Variants in MAP7 observed in about 807,000 individuals in gnomAD.
The protein encoded by MAP7 is microtubule associated protein 7.
MAP7 carries 52 observed loss-of-function variants against 94.8 expected under a neutral mutation model. The ratio of observed to expected loss-of-function variants is 0.55; its 90% confidence interval spans 0.44 to 0.69. The LOEUF (loss-of-function observed/expected upper bound fraction) is 0.69, where lower values mean the gene tolerates loss of function less well. Ranked by LOEUF, MAP7 falls within the 30% of genes least tolerant of loss-of-function variation. The probability of loss-of-function intolerance (pLI) is 0.00; values close to 1 mark genes in which losing one functional copy is unlikely to be tolerated. For missense variants in MAP7, 940 were observed against 964.6 expected (o/e 0.97, Z 0.34); for synonymous variants, 350 against 357.0 (o/e 0.98, Z 0.22).
chr6:136,478,559 A>G (rs1196370837), intron 1 of MAP7, among the ~76,000 whole-genome samples: 1 of 152,212 alleles, frequency 6.6e-6, no homozygotes, highest in African/African-American at 2.4e-5. Context: ...AACATTAGCC[A>G]GAACAACTAA....
chr6:136,351,824 G>A lies in MAP7; in HGVS notation c.2015+4868C>T, dbSNP rs146374453. On this transcript the variant is annotated intron_variant, in intron 16 of 17. Coordinates refer to ENST00000354570, the MANE Select transcript of MAP7 (RefSeq NM_003980.6). The stretch of plus-strand genomic sequence containing the variant: ...CCTTTGCCACTGCTGGAGAGACACT[G>A]CAGCAGAGTTTTGCTTTCTGGTCGG... Among the ~76,000 whole-genome samples, 861 of 152,282 alleles carry A rather than the reference G, an allele frequency of 5.7e-3. 16 individuals carry two copies. Among genetic ancestry groups the A allele is most frequent in the African/African-American group, 0.019 (800 of 41,536 alleles).
At chr6:136,366,159 G>C (rs1481370960) in intron 9 of MAP7, 141 bp from the exon 10 acceptor site, 8 of 1,062,330 alleles carry the variant, frequency 7.5e-6, no homozygotes, top group Non-Finnish European at 1.1e-5. Flanking sequence ...CAGAAATAGA[G>C]TTGCTTTAGG....
chr6:136,404,042 C>T (rs1216931381), intron 3 of MAP7, among the ~76,000 whole-genome samples: 1 of 152,150 alleles, frequency 6.6e-6, no homozygotes, highest in African/African-American at 2.4e-5. Context: ...TCCCTAAAGC[C>T]TCCTCTGACC....
chr6:136,370,230 C>T (rs1459685208), intron 8 of MAP7, among the ~76,000 whole-genome samples: 2 of 152,306 alleles, frequency 1.3e-5, no homozygotes, highest in African/African-American at 4.8e-5. Flanking sequence ...CATCACCTCA[C>T]ATTCCTTAAG....
At chr6:136,444,225 T>C (rs1798686297) in intron 1 of MAP7, among the ~76,000 whole-genome samples, 1 of 152,176 alleles carries the variant, frequency 6.6e-6, no homozygotes, top group Admixed American at 6.5e-5. Flanking sequence ...ACACCTTGGG[T>C]ATTTACTTAA....
At position 136,503,400 on chromosome 6, in the gene MAP7, GA is replaced by G. The variant is rs965964532; in HGVS notation, c.67+46941del. 2.2e-4 allele frequency among the ~76,000 whole-genome samples: 25 copies of G among 115,548 alleles called. No individual in the cohort carries two copies. In the South Asian group the frequency reaches 3.9e-3, roughly 18 times the overall value. 75.8% of individuals were successfully genotyped at this position (115,548 alleles called of 152,430 possible). A position where few individuals can be genotyped will look rare whatever the true frequency, so the allele number is the denominator to read the frequency against. ...TGTCCAAACAAGGATTTCTGAGGGG[GA>G]AAAAAAAAGGGGGGTGGGGGAAGAA... On this transcript the variant is annotated intron_variant, in intron 1 of 17. Transcript: ENST00000354570.
chr6:136,460,441 T>C (rs1190185183), intron 1 of MAP7, among the ~76,000 whole-genome samples: 2 of 152,230 alleles, frequency 1.3e-5, no homozygotes, highest in Non-Finnish European at 2.9e-5. Flanking sequence ...TTACTTATTA[T>C]ACACATGAAG....
intron 6 of MAP7, among the ~76,000 whole-genome samples, chr6:136,380,141 T>C (rs1258123822): frequency 6.6e-6 from 1 of 152,198 alleles, no homozygotes; most frequent in Non-Finnish European, 1.5e-5. Flanking sequence ...AAAATTGAGA[T>C]ATTGACAATT....
chr6:136,488,883 A>C (rs1404604768), intron 1 of MAP7, among the ~76,000 whole-genome samples: 1 of 151,998 alleles, frequency 6.6e-6, no homozygotes, highest in Non-Finnish European at 1.5e-5. Context: ...GCTTACCCTC[A>C]CCATCCCTCT....
At chr6:136,452,547 AT>A (rs999334983) in intron 1 of MAP7, among the ~76,000 whole-genome samples, 13 of 150,436 alleles carry the variant, frequency 8.6e-5, no homozygotes, top group South Asian at 2.1e-4. Context: ...TTTAGCAATA[AT>A]TTTTTTTTTA....
chr6:136,511,681 C>G (rs534243307), intron 1 of MAP7, among the ~76,000 whole-genome samples: 1 of 152,268 alleles, frequency 6.6e-6, no homozygotes, highest in Non-Finnish European at 1.5e-5. Flanking sequence ...CACAGAGCAG[C>G]AGGTGGGAGT....
At chr6:136,505,363 G>C (rs1583090337) in intron 1 of MAP7, among the ~76,000 whole-genome samples, 1 of 145,904 alleles carries the variant, frequency 6.9e-6, no homozygotes, top group Admixed American at 6.9e-5. Context: ...CCCCTCGGGA[G>C]GGAGATAGGG....
intron 1 of MAP7, among the ~76,000 whole-genome samples, chr6:136,521,889 T>C (rs544121013): frequency 6.6e-6 from 1 of 152,340 alleles, no homozygotes; most frequent in Admixed American, 6.5e-5. Flanking sequence ...TCTGCCACTC[T>C]CATCCTCTCC....
At chr6:136,461,454 C>G (rs1292915112) in intron 1 of MAP7, among the ~76,000 whole-genome samples, 2 of 152,070 alleles carry the variant, frequency 1.3e-5, no homozygotes, top group Non-Finnish European at 2.9e-5. Context: ...AACTGTTATG[C>G]TAAAGAGAAA....
At position 136,536,499 on chromosome 6, in the gene MAP7, C is replaced by T. The variant is rs562887056; in HGVS notation, c.67+13843G>A. Reference sequence around the variant, plus strand: ...AACTTCCTAAAACACCCCAAATGACCATTTTGCCTTTTTCATAAAGTGTAA... The same window carrying T: ...AACTTCCTAAAACACCCCAAATGACTATTTTGCCTTTTTCATAAAGTGTAA... On this transcript the variant is annotated intron_variant, in intron 1 of 17. Coordinates refer to ENST00000354570, the MANE Select transcript of MAP7 (RefSeq NM_003980.6). Among the ~76,000 whole-genome samples, 13 of 152,216 alleles carry T rather than the reference C, an allele frequency of 8.5e-5. No homozygotes were observed. In the East Asian group the frequency reaches 2.3e-3, roughly 27 times the overall value.
chr6:136,509,169 T>G (rs558859300), intron 1 of MAP7, among the ~76,000 whole-genome samples: 90 of 152,298 alleles, frequency 5.9e-4, no homozygotes, highest in Non-Finnish European at 9.1e-4. Flanking sequence ...ACCAAAAAAC[T>G]ATGTCACTAG....
At chr6:136,497,296 A>G (rs1002797762) in intron 1 of MAP7, among the ~76,000 whole-genome samples, 1 of 152,002 alleles carries the variant, frequency 6.6e-6, no homozygotes, top group Non-Finnish European at 1.5e-5. Context: ...ATTTTTGCCC[A>G]CAAGAAAATT....
At chr6:136,419,858 C>A (rs999469441) in intron 2 of MAP7, 42 of 407,732 alleles carry the variant, frequency 1.0e-4, no homozygotes, top group Middle Eastern at 7.4e-4. Context: ...CAGTTTTTGT[C>A]ACATATTAAA....
intron 3 of MAP7, among the ~76,000 whole-genome samples, chr6:136,390,891 T>C (rs1312600375): frequency 2.0e-5 from 3 of 152,126 alleles, no homozygotes; most frequent in Admixed American, 6.5e-5. Context: ...TCAGGGTGGT[T>C]TGTGGAGTGA....
Sources: allele counts gnomAD v4.1 joint callset (sites outside exome capture counted in the v4.1 genomes callset), GRCh38; gene constraint gnomAD v4.1.1; transcripts MANE v1.5; gene names NCBI Gene and HGNC (gene_info 2026-07-23, HGNC 2026-07-21).